Variants in ARPIN observed in about 807,000 individuals in gnomAD.
ARPIN encodes the protein UPF0552 protein C15orf38.
Under a neutral mutation model 25.9 loss-of-function variants are expected in ARPIN, and 23 were observed. That is an observed-to-expected ratio of 0.89 (90% confidence interval 0.64 to 1.26). The LOEUF (loss-of-function observed/expected upper bound fraction) is 1.26, where lower values mean the gene tolerates loss of function less well. Among genes scored for constraint, ARPIN ranks in the 50% most tolerant of loss-of-function variants. The pLI is 0.00. For synonymous variants in ARPIN, 126 were observed against 131.4 expected (o/e 0.96, Z 0.28); for missense variants, 333 against 312.2 (o/e 1.07, Z -0.50).
chr15:89,902,997 T>G, intron 5 of ARPIN: 1 of 1,438,476 alleles, frequency 7.0e-7, no homozygotes, highest in Non-Finnish European at 9.1e-7. Flanking sequence ...TGGGGAATAG[T>G]TAGGTTCAGA....
chr15:89,907,573 C>T (rs1897144248), intron 3 of ARPIN, among the ~76,000 whole-genome samples: 1 of 152,140 alleles, frequency 6.6e-6, no homozygotes, highest in Non-Finnish European at 1.5e-5. Flanking sequence ...GCAAAGCAAG[C>T]CCTCACCGGA....
intron 5 of ARPIN, among the ~76,000 whole-genome samples, chr15:89,902,165 T>G (rs1037276631): frequency 1.3e-5 from 2 of 152,176 alleles, no homozygotes; most frequent in African/African-American, 2.4e-5. Flanking sequence ...TCCCAGCACT[T>G]TGGGAGCCTG....
intron 2 of ARPIN, 102 bp from the exon 3 acceptor site, chr15:89,908,514 G>A: frequency 1.3e-6 from 2 of 1,537,720 alleles, no homozygotes; most frequent in South Asian, 1.3e-5. Flanking sequence ...TACCCTAGAA[G>A]CCCACCTCAG....
chr15:89,910,846 A>T (rs1427532830), intron 1 of ARPIN, 27 bp from the exon 2 acceptor site: 3 of 1,613,288 alleles, frequency 1.9e-6, no homozygotes, highest in African/African-American at 1.3e-5. Context: ...AAGAAAGGAT[A>T]GCCAGTTTTG....
Position 89,897,076 on chromosome 15 carries a change from A to G in ARPIN, c.*4719T>C, listed in dbSNP as rs1480991077. The G allele has an allele frequency of 6.6e-6, 1 of 152,258 alleles. No homozygotes were observed. The highest frequency in any genetic ancestry group is 1.5e-5 in the Non-Finnish European group (1 of 68,056). 9.4% of individuals were successfully genotyped at this position (152,258 alleles called of 1,614,324 possible). A position where few individuals can be genotyped will look rare whatever the true frequency, so the allele number is the denominator to read the frequency against. On this transcript the variant is annotated 3_prime_UTR_variant, in exon 6 of 6. Coordinates refer to ENST00000357484, the MANE Select transcript of ARPIN (RefSeq NM_182616.4). ...TAGTTAGAGGTGGGGAATTAAGAGA[A>G]CTATATAATTTTCAACATTTTTGGA...
At chr15:89,907,426 A>G (rs1897141092) in intron 3 of ARPIN, among the ~76,000 whole-genome samples, 2 of 152,232 alleles carry the variant, frequency 1.3e-5, no homozygotes, top group South Asian at 4.1e-4. Flanking sequence ...CCAATGTGAT[A>G]GTATTAAGAG....
rs968067421 is a variant in ARPIN, at chr15:89,912,828, C to T, written c.8G>A (p.Arg3His). ...CCGGAGCGCGCCGTCGTGGTAGATG[C>T]GGCTCATTCTCCCGACCGCCCGGGC... is the stretch of plus-strand genomic sequence containing the variant. MS[R>H]IYHDGALRNK... The change falls in exon 1 of 6, where the codon CGC becomes CAC. Residue 3 changes from arginine (R) to histidine (H), a missense_variant. Physicochemically the swap from Arg to His is conservative, Grantham distance 29. Coordinates refer to ENST00000357484, the MANE Select transcript of ARPIN (RefSeq NM_182616.4). 9.9e-6 allele frequency: 15 copies of T among 1,522,150 alleles called. No homozygotes were observed. In the East Asian group the frequency reaches 1.3e-4, roughly 14 times the overall value. The allele number at this position is 1,522,150 out of a possible 1,614,324, so 94.3% of individuals were successfully genotyped here.
chr15:89,903,179 G>C (rs758756264), intron 5 of ARPIN, 37 bp downstream of exon 5: 1 of 1,614,118 alleles, frequency 6.2e-7, no homozygotes, highest in South Asian at 1.1e-5. Context: ...CCATGCTCCT[G>C]CCAGGAGATA....
At chr15:89,910,943 C>A in intron 1 of ARPIN, 124 bp from the exon 2 acceptor site, 2 of 1,178,092 alleles carry the variant, frequency 1.7e-6, no homozygotes, top group Non-Finnish European at 1.2e-6. Flanking sequence ...CCCGTGCTTC[C>A]GACATAGGGA....
rs766506028 is a variant in ARPIN at position 89,912,767 on chromosome 15, G to A, written c.69C>T (p.Ala23=). 5 of 1,495,808 alleles carry A rather than the reference G, an allele frequency of 3.3e-6. No individual in the cohort carries two copies. Among genetic ancestry groups the A allele is most frequent in the Non-Finnish European group, 4.4e-6 (5 of 1,128,150 alleles). The allele number at this position is 1,495,808 out of a possible 1,614,324, so 92.7% of individuals were successfully genotyped here. A position where few individuals can be genotyped will look rare whatever the true frequency, so the allele number is the denominator to read the frequency against. Residue 23 remains alanine (A), a synonymous_variant, in exon 1 of 6, where the codon GCC becomes GCT. Coordinates refer to ENST00000357484, the MANE Select transcript of ARPIN (RefSeq NM_182616.4). ...ACCCCTGGTGGGCGGCGGGGTCCCAGGCCCCTGGCAGCCGGACGCTCTGCA... is the reference window on the plus strand; with the variant it reads ...ACCCCTGGTGGGCGGCGGGGTCCCAAGCCCCTGGCAGCCGGACGCTCTGCA... The part of the protein sequence containing the change: ...KAVQSVRLPG[A]WDPAAHQGGN...
At position 89,910,827 on chromosome 15, in the gene ARPIN, T is replaced by C; in HGVS notation, c.93-8A>G. On this transcript the variant is annotated splice_polypyrimidine_tract_variant and splice_region_variant and intron_variant, in intron 1 of 5. Coordinates refer to ENST00000357484, the MANE Select transcript of ARPIN (RefSeq NM_182616.4). The stretch of plus-strand genomic sequence containing the variant: ...AGCAGGACACCATTTCCCCTGGGGA[T>C]GAAAGGGAAAGAAAGGATAGCCAGT... 6.2e-7 allele frequency: 1 copy of C among 1,613,872 alleles called. No individual in the cohort carries two copies. The highest frequency in any genetic ancestry group is 8.5e-7 in the Non-Finnish European group (1 of 1,179,932).
chr15:89,912,662 A>AGGGGGG, intron 1 of ARPIN, 82 bp downstream of exon 1: 6 of 661,650 alleles, frequency 9.1e-6, no homozygotes, highest in Non-Finnish European at 1.2e-5. Context: ...CCCCACCCGC[A>AGGGGGG]TCCCACCCCC....
chr15:89,912,488 C>A (rs574761878), intron 1 of ARPIN: 2 of 1,274,012 alleles, frequency 1.6e-6, no homozygotes, highest in Non-Finnish European at 9.9e-7. Context: ...GGAGACCTGT[C>A]TGGGGGTCGG....
rs943091638 is a variant in ARPIN, at chr15:89,898,528, T to A, written c.*3267A>T. The A allele has an allele frequency of 6.6e-5, 10 of 152,164 alleles. No individual in the cohort carries two copies. The highest frequency in any genetic ancestry group is 2.4e-4 in the African/African-American group (10 of 41,444). The allele number at this position is 152,164 out of a possible 1,614,324, so 9.4% of individuals were successfully genotyped here. Reference sequence around the variant, plus strand: ...TTAGTATAGTTAAAGCTCCAAGAAATCCTACAGAAATGTTTGAGTTTAACA... The same window carrying A: ...TTAGTATAGTTAAAGCTCCAAGAAAACCTACAGAAATGTTTGAGTTTAACA... On this transcript the variant is annotated 3_prime_UTR_variant, in exon 6 of 6. Transcript: ENST00000357484.
rs187313002 is a variant in ARPIN, at chr15:89,908,477, C to T, written c.169-65G>A. ...CCCACAACACACACACTCTGGGCTC[C>T]GGCTGCAGCCCCGCCAACCTCACAT... On this transcript the variant is annotated intron_variant, in intron 2 of 5. Transcript: ENST00000357484. 2.9e-4 allele frequency: 455 copies of T among 1,592,258 alleles called. 1 individual carries two copies. Among genetic ancestry groups the T allele is most frequent in the Admixed American group, 2.5e-3 (147 of 58,326 alleles).
intron 3 of ARPIN, among the ~76,000 whole-genome samples, chr15:89,904,331 TA>T (rs1449895745): frequency 6.6e-6 from 1 of 152,168 alleles, no homozygotes; most frequent in Non-Finnish European, 1.5e-5. Flanking sequence ...CATGGACCCC[TA>T]GGTAAGCATT....
chr15:89,904,678 G>A (rs2141921153), intron 3 of ARPIN, among the ~76,000 whole-genome samples: 1 of 152,330 alleles, frequency 6.6e-6, no homozygotes, highest in South Asian at 2.1e-4. Context: ...CAGCCTCCCA[G>A]GACTGTGTGT....
At chr15:89,912,659 C>CCCAGGTGGG in intron 1 of ARPIN, 85 bp downstream of exon 1, 1 of 1,161,518 alleles carries the variant, frequency 8.6e-7, no homozygotes, top group Non-Finnish European at 1.1e-6. Context: ...TTCCCCCACC[C>CCCAGGTGGG]GCATCCCACC....
intron 1 of ARPIN, 176 bp downstream of exon 1, chr15:89,912,568 G>T: frequency 7.4e-7 from 1 of 1,347,900 alleles, no homozygotes; most frequent in South Asian, 1.8e-5. Context: ...GTCGCTGGGC[G>T]GGCGCGGCGG....
Sources: allele counts gnomAD v4.1 joint callset (sites outside exome capture counted in the v4.1 genomes callset), GRCh38; gene constraint gnomAD v4.1.1; transcripts MANE v1.5; gene names NCBI Gene and HGNC (gene_info 2026-07-23, HGNC 2026-07-21).